PCNA: variants seen among roughly 807,000 people sequenced by gnomAD.
PCNA encodes proliferating cell nuclear antigen, also known as DNA sliding clamp PCNA.
Under a neutral mutation model 27.8 loss-of-function variants are expected in PCNA, and 4 were observed. The observed-to-expected ratio is 0.14, with a 90% confidence interval of 0.07 to 0.33. PCNA has a LOEUF of 0.33. PCNA is among the 10% of genes least tolerant of loss of function. PCNA has a pLI of 1.00. For synonymous variants in PCNA, 121 were observed against 119.4 expected, an observed-to-expected ratio of 1.01 and a Z score of -0.09; for missense variants, 165 against 327.4, an observed-to-expected ratio of 0.50 and a Z score of 3.83.
upstream of PCNA, among the ~76,000 whole-genome samples, chr20:5,122,083 G>A (rs1600451921): frequency 6.6e-6 from 1 of 151,214 alleles, no homozygotes; most frequent in East Asian, 1.9e-4. Flanking sequence ...CTGGGTTCAA[G>A]CAATTCTCAT....
intron 3 of PCNA, among the ~76,000 whole-genome samples, 182 bp downstream of exon 3, chr20:5,118,428 A>G (rs1261415928): frequency 6.6e-6 from 1 of 152,136 alleles, no homozygotes; most frequent in East Asian, 1.9e-4. Flanking sequence ...GCCACTTAGG[A>G]GACTAAGGCA....
At chr20:5,120,484 C>G (rs1005589076), upstream of PCNA, among the ~76,000 whole-genome samples, 10 of 152,146 alleles carry the variant, frequency 6.6e-5, no homozygotes, top group Non-Finnish European at 1.5e-4. Context: ...CCCGCCAGCT[C>G]TTATAATCAC....
chr20:5,121,386 C>CTTTTTTTTTTTTTTT (rs10712798), upstream of PCNA: 1 of 97,226 alleles, frequency 1.0e-5, no homozygotes, highest in South Asian at 3.9e-4. Context: ...CCTTTCTTTC[C>CTTTTTTTTTTTTTTT]TTTTTTTTTT....
intron 1 of PCNA, among the ~76,000 whole-genome samples, chr20:5,126,242 G>A (rs969780202): frequency 1.3e-5 from 2 of 152,160 alleles, no homozygotes; most frequent in Admixed American, 6.5e-5. Context: ...AAACCACTGA[G>A]GAAGATCTTA....
intron 3 of PCNA, 57 bp downstream of exon 3, chr20:5,118,553 T>C: frequency 1.6e-6 from 2 of 1,229,560 alleles, no homozygotes; most frequent in Non-Finnish European, 2.4e-6. Flanking sequence ...AAACATTCTA[T>C]GACATAACTA....
At chr20:5,119,179 G>C (rs2090497611) in intron 1 of PCNA, among the ~76,000 whole-genome samples, 1 of 152,032 alleles carries the variant, frequency 6.6e-6, no homozygotes, top group African/African-American at 2.4e-5. Flanking sequence ...GACTGAGCCG[G>C]GAGGATCGCT....
upstream of PCNA, chr20:5,120,083 G>GC: frequency 2.3e-6 from 1 of 426,150 alleles, no homozygotes; most frequent in South Asian, 2.2e-5. Context: ...CGCGAGGCCC[G>GC]CCCCCTAGAG....
intron 4 of PCNA, among the ~76,000 whole-genome samples, chr20:5,117,151 T>G (rs1239946404): frequency 6.6e-6 from 1 of 152,114 alleles, no homozygotes; most frequent in East Asian, 1.9e-4. Flanking sequence ...GCTCAATTAT[T>G]TGGTAAGAGA....
upstream of PCNA, among the ~76,000 whole-genome samples, chr20:5,120,774 G>C (rs775875741): frequency 1.3e-5 from 2 of 152,084 alleles, no homozygotes; most frequent in Non-Finnish European, 2.9e-5. Context: ...ATACAGCTGA[G>C]TCAAAGAGCG....
rs2090498832 is a variant in PCNA, at chr20:5,119,325, T to G, written c.221+253A>C. 5.3e-5 allele frequency among the ~76,000 whole-genome samples: 8 copies of G among 152,114 alleles called. No homozygotes were observed. The South Asian group carries it at 1.7e-3, about 31-fold the overall frequency. On this transcript the variant is annotated intron_variant, in intron 1 of 5. Coordinates refer to ENST00000379143, the MANE Select transcript of PCNA (RefSeq NM_182649.2). ...AGCCCTGGAACAGTGTTCCTGGCAC[T>G]GCGGAAAAACCCTTGATTTTCCCGC...
At chr20:5,123,326 T>C (rs550653996), upstream of PCNA, among the ~76,000 whole-genome samples, 98 of 152,334 alleles carry the variant, frequency 6.4e-4, no homozygotes, top group African/African-American at 2.3e-3. Context: ...AAAGGTACTA[T>C]TGGATCAGTG....
chr20:5,116,439 C>A lies in PCNA; in HGVS notation c.583-867G>T, dbSNP rs185454043. Among the ~76,000 whole-genome samples, 487 of 152,048 alleles carry A rather than the reference C, an allele frequency of 3.2e-3. 4 individuals carry two copies. Among genetic ancestry groups the A allele is most frequent in the African/African-American group, 0.011 (465 of 41,400 alleles). ...TAGACTTTATTAATTTAAAAAAAAA[C>A]CTTTCAACTGAATTTTACCTTTATT... On this transcript the variant is annotated intron_variant, in intron 4 of 5. Coordinates refer to ENST00000379143, the MANE Select transcript of PCNA (RefSeq NM_182649.2).
upstream of PCNA, among the ~76,000 whole-genome samples, chr20:5,121,835 C>G (rs1344440711): frequency 6.6e-6 from 1 of 152,094 alleles, no homozygotes; most frequent in Non-Finnish European, 1.5e-5. Flanking sequence ...CTATGTCGCT[C>G]TGGCTGGTCT....
intron 4 of PCNA, among the ~76,000 whole-genome samples, chr20:5,115,895 C>A (rs73602861): frequency 4.5e-4 from 69 of 152,242 alleles, no homozygotes; most frequent in African/African-American, 1.6e-3. Context: ...TAGACAATGA[C>A]TATTATAGCT....
At chr20:5,120,554 T>G (rs1400759807), upstream of PCNA, among the ~76,000 whole-genome samples, 1 of 152,178 alleles carries the variant, frequency 6.6e-6, no homozygotes, top group Non-Finnish European at 1.5e-5. Context: ...ACACTTTTTT[T>G]TTTTCAAAAA....
chr20:5,119,226 C>T (rs2090497987), intron 1 of PCNA, among the ~76,000 whole-genome samples: 1 of 152,128 alleles, frequency 6.6e-6, no homozygotes, highest in Non-Finnish European at 1.5e-5. Context: ...GGGCAACACA[C>T]CGAGACCGTC....
chr20:5,119,548 G>T (rs2090501873), intron 1 of PCNA, 30 bp downstream of exon 1: 1 of 1,584,308 alleles, frequency 6.3e-7, no homozygotes, highest in Non-Finnish European at 8.6e-7. Context: ...AGGCGGGCCG[G>T]GGCCGGCTTC....
intron 3 of PCNA, among the ~76,000 whole-genome samples, chr20:5,117,931 G>A (rs2090487184): frequency 1.3e-5 from 2 of 152,184 alleles, no homozygotes; most frequent in African/African-American, 2.4e-5. Context: ...AATCATGATG[G>A]CGCAAGCAGG....
At position 5,119,912 on chromosome 20, in the gene PCNA, G is replaced by A. The variant is rs968270284; in HGVS notation, c.-114C>T. 22 of 756,452 alleles carry A rather than the reference G, an allele frequency of 2.9e-5. No individual in the cohort carries two copies. Among genetic ancestry groups the A allele is most frequent in the Admixed American group, 2.3e-4 (10 of 43,280 alleles). The allele number at this position is 756,452 out of a possible 1,614,324, so 46.9% of individuals were successfully genotyped here. ...GGCGAACGTCGCGACGACCGGCTGA[G>A]ACCTAGAAAGACAACGACCACTCTG... is the stretch of plus-strand genomic sequence containing the variant. On this transcript the variant is annotated 5_prime_UTR_variant, in exon 1 of 6. Transcript: ENST00000379143.
Sources: allele counts gnomAD v4.1 joint callset (sites outside exome capture counted in the v4.1 genomes callset), GRCh38; gene constraint gnomAD v4.1.1; transcripts MANE v1.5; gene names NCBI Gene and HGNC (gene_info 2026-07-23, HGNC 2026-07-21).